The following GLB1 variants were observed in gnomAD, a reference collection of about 807,000 sequenced individuals.
GLB1 encodes beta-galactosidase.
A neutral mutation model predicts 74.0 loss-of-function variants in GLB1; 56 were observed. That is an observed-to-expected ratio of 0.76 (90% CI 0.61 to 0.94). The LOEUF (loss-of-function observed/expected upper bound fraction) is 0.94, where lower values mean the gene tolerates loss of function less well. GLB1 is among the 40% of genes least tolerant of loss of function. The pLI is 0.00. For missense variants in GLB1, 787 were observed against 845.5 expected (o/e 0.93, Z 0.86); for synonymous variants, 323 against 323.6 (o/e 1.00, Z 0.02).
At chr3:32,983,259 C>T in the GLB1 span, among the ~76,000 whole-genome samples, 1 of 152,074 alleles carries the variant, frequency 6.6e-6, no homozygotes, top group Non-Finnish European at 1.5e-5. Flanking sequence ...TCACTTTATC[C>T]TCTGGGTCTC....
Position 33,080,281 on chromosome 3 carries a change from C to T in GLB1, c.76-7568G>A, listed in dbSNP as rs569904789. Among the ~76,000 whole-genome samples the T allele has an allele frequency of 3.9e-5, 6 of 152,140 alleles. No homozygotes were observed. In the East Asian group the frequency reaches 7.7e-4, roughly 20 times the overall value. On this transcript the variant is annotated intron_variant, in intron 1 of 15. Transcript: ENST00000307363. The stretch of plus-strand genomic sequence containing the variant: ...TTTTAGTAGAGACGGGGTTTCACCA[C>T]GTTGGCCAGGCTGGTTTGGAGCTCC...
At chr3:33,060,125 T>A (rs921988658) in intron 5 of GLB1, among the ~76,000 whole-genome samples, 1 of 152,170 alleles carries the variant, frequency 6.6e-6, no homozygotes, top group African/African-American at 2.4e-5. Context: ...GTGACAAAAA[T>A]GAATTAAATG....
At chr3:33,083,781 G>A (rs901578019) in intron 1 of GLB1, among the ~76,000 whole-genome samples, 56 of 142,038 alleles carry the variant, frequency 3.9e-4, no homozygotes, top group African/African-American at 1.6e-3. Flanking sequence ...ACTGGCCAAT[G>A]TAATTTTTTA....
chr3:33,028,246 G>T (rs1003184054), intron 10 of GLB1, among the ~76,000 whole-genome samples: 1 of 152,036 alleles, frequency 6.6e-6, no homozygotes, highest in Non-Finnish European at 1.5e-5. Context: ...GCTTCTTCTG[G>T]TCTCTAAGTA....
chr3:33,086,943 T>C (rs1057184903), intron 1 of GLB1, among the ~76,000 whole-genome samples: 12 of 140,518 alleles, frequency 8.5e-5, no homozygotes, highest in African/African-American at 3.2e-4. Context: ...AAATAAAATA[T>C]TAGAGTAGAA....
chr3:32,998,704 G>T lies in GLB1; in HGVS notation c.1735-1360C>A, dbSNP rs1696422881. On this transcript the variant is annotated intron_variant, in intron 15 of 15. Transcript: ENST00000307363. Reference sequence around the variant, plus strand: ...GAAGAGGAAAGAGGAATGGAAGAAGGGAGGGAGGCAGGAAAGAAACTGTGA... The same window carrying T: ...GAAGAGGAAAGAGGAATGGAAGAAGTGAGGGAGGCAGGAAAGAAACTGTGA... Among the ~76,000 whole-genome samples, 3 of 152,068 alleles carry T rather than the reference G, an allele frequency of 2.0e-5. No individual in the cohort carries two copies. The South Asian group carries it at 6.2e-4, about 32-fold the overall frequency.
At chr3:33,086,337 T>C (rs1369399150) in intron 1 of GLB1, among the ~76,000 whole-genome samples, 2 of 152,208 alleles carry the variant, frequency 1.3e-5, no homozygotes, top group Non-Finnish European at 2.9e-5. Context: ...GCCTTTGTTA[T>C]AGGCTTTTTC....
chr3:33,030,526 G>C (rs1160283734), intron 10 of GLB1: 40 of 985,344 alleles, frequency 4.1e-5, no homozygotes, highest in East Asian at 1.1e-4. Flanking sequence ...AGAGACAGCT[G>C]TGTCTGCGTA....
chr3:33,034,910 G>A (rs373492003), intron 10 of GLB1: 1 of 351,442 alleles, frequency 2.8e-6, no homozygotes, highest in African/African-American at 2.1e-5. Flanking sequence ...CTGTCCAGCT[G>A]AAAGCATTCA....
chr3:33,010,234 T>C (rs527506218), intron 15 of GLB1, among the ~76,000 whole-genome samples: 18 of 152,358 alleles, frequency 1.2e-4, no homozygotes, highest in South Asian at 4.1e-4. Context: ...CTTTCCCCCA[T>C]GTCCTTTCCA....
At chr3:33,083,096 G>A (rs543490448) in intron 1 of GLB1, among the ~76,000 whole-genome samples, 8 of 152,170 alleles carry the variant, frequency 5.3e-5, no homozygotes, top group Middle Eastern at 6.8e-3. Flanking sequence ...GACAGAAGGC[G>A]ATCAAAAAAA....
At chr3:32,983,985 T>C in the GLB1 span, among the ~76,000 whole-genome samples, 1 of 152,118 alleles carries the variant, frequency 6.6e-6, no homozygotes, top group Non-Finnish European at 1.5e-5. Context: ...ACTCCTAGCC[T>C]GACGTTGAAT....
At chr3:33,001,176 T>C (rs1476011531) in intron 15 of GLB1, among the ~76,000 whole-genome samples, 1 of 151,492 alleles carries the variant, frequency 6.6e-6, no homozygotes, top group Non-Finnish European at 1.5e-5. Flanking sequence ...CCTCTCCTCT[T>C]CTCCTTCTCC....
At chr3:32,979,179 T>C in the GLB1 span, among the ~76,000 whole-genome samples, 1 of 151,998 alleles carries the variant, frequency 6.6e-6, no homozygotes, top group Non-Finnish European at 1.5e-5. Flanking sequence ...TTTCTCCACG[T>C]TGGTCAGCCT....
the GLB1 span, among the ~76,000 whole-genome samples, chr3:32,983,047 G>C: frequency 5.3e-5 from 8 of 152,008 alleles, no homozygotes; most frequent in African/African-American, 1.9e-4. Flanking sequence ...ATTTGTTGCT[G>C]GTGTTCTTCA....
rs373809042 is a variant in GLB1, at chr3:33,081,279, G to A, written c.76-8566C>T. On this transcript the variant is annotated intron_variant, in intron 1 of 15. Transcript: ENST00000307363. Reference sequence around the variant, plus strand: ...GGGTCACTGGGAATGGATCTTGAGGGGGAAAATCCCAGGCCGGATATGGGG... The same window carrying A: ...GGGTCACTGGGAATGGATCTTGAGGAGGAAAATCCCAGGCCGGATATGGGG... Among the ~76,000 whole-genome samples, 28 of 152,252 alleles carry A rather than the reference G, an allele frequency of 1.8e-4. 1 individual carries two copies. The East Asian group carries it at 2.1e-3, about 12-fold the overall frequency.
chr3:32,998,841 C>T (rs533238361), intron 15 of GLB1, among the ~76,000 whole-genome samples: 34 of 152,238 alleles, frequency 2.2e-4, no homozygotes, highest in African/African-American at 7.9e-4. Flanking sequence ...TGCTGCTCAC[C>T]CCAGGGCTCC....
At chr3:33,015,393 T>A (rs942022612) in intron 14 of GLB1, among the ~76,000 whole-genome samples, 1 of 152,186 alleles carries the variant, frequency 6.6e-6, no homozygotes, top group Non-Finnish European at 1.5e-5. Context: ...ATGATGACGA[T>A]GGCAAACCTC....
chr3:33,087,362 G>A (rs962352135), intron 1 of GLB1, among the ~76,000 whole-genome samples: 2 of 152,156 alleles, frequency 1.3e-5, no homozygotes, highest in African/African-American at 4.8e-5. Context: ...TTGAGGTCAA[G>A]AGTTTGAGAC....
Sources: allele counts gnomAD v4.1 joint callset (sites outside exome capture counted in the v4.1 genomes callset), GRCh38; gene constraint gnomAD v4.1.1; transcripts MANE v1.5; gene names NCBI Gene and HGNC (gene_info 2026-07-23, HGNC 2026-07-21).